Variants in RBFOX1 observed in about 807,000 individuals in gnomAD.
RBFOX1 encodes the protein RNA binding protein fox-1 homolog 1.
Under a neutral mutation model 57.7 loss-of-function variants are expected in RBFOX1, and 8 were observed. The ratio of observed to expected loss-of-function variants is 0.14; its 90% confidence interval spans 0.08 to 0.25. RBFOX1 has a LOEUF of 0.25. RBFOX1 is among the 10% of genes least tolerant of loss of function. The pLI is 1.00. For missense variants in RBFOX1, 611 were observed against 548.5 expected, an observed-to-expected ratio of 1.11 and a Z score of -1.14; for synonymous variants, 326 against 222.4, an observed-to-expected ratio of 1.47 and a Z score of -4.15.
chr16:6,812,932 T>C (rs2089126301), intron 3 of RBFOX1, among the ~76,000 whole-genome samples: 1 of 152,162 alleles, frequency 6.6e-6, no homozygotes, highest in Admixed American at 6.5e-5. Flanking sequence ...CTGTCTTTCT[T>C]TGGAGACTGG....
intron 1 of RBFOX1, among the ~76,000 whole-genome samples, chr16:5,420,076 G>A (rs570150184): frequency 6.6e-6 from 1 of 152,274 alleles, no homozygotes; most frequent in South Asian, 2.1e-4. Context: ...CTGTGAGAGA[G>A]CAGACGGGTG....
intron 2 of RBFOX1, among the ~76,000 whole-genome samples, chr16:6,417,222 G>T (rs2093647988): frequency 6.6e-6 from 1 of 151,886 alleles, no homozygotes; most frequent in Admixed American, 6.6e-5. Context: ...ATGTTGGCCA[G>T]GCTGGTCTCG....
chr16:6,871,500 G>C (rs949009848), intron 3 of RBFOX1, among the ~76,000 whole-genome samples: 1 of 151,872 alleles, frequency 6.6e-6, no homozygotes, highest in Non-Finnish European at 1.5e-5. Flanking sequence ...AATCACTCTT[G>C]ACTCTTTCCT....
At chr16:5,994,030 G>C (rs754583907) in intron 4 of RBFOX1, among the ~76,000 whole-genome samples, 10 of 152,176 alleles carry the variant, frequency 6.6e-5, no homozygotes, top group Non-Finnish European at 1.3e-4. Context: ...TCCTAACTCA[G>C]AGATCATGTC....
At chr16:7,608,623 C>T (rs192304339) in intron 10 of RBFOX1, among the ~76,000 whole-genome samples, 1 of 152,106 alleles carries the variant, frequency 6.6e-6, no homozygotes, top group Non-Finnish European at 1.5e-5. Flanking sequence ...CTACACAGCT[C>T]GGGTTCAAAT....
chr16:7,017,122 T>C (rs569516541), intron 3 of RBFOX1, among the ~76,000 whole-genome samples: 1 of 152,182 alleles, frequency 6.6e-6, no homozygotes, highest in South Asian at 2.1e-4. Flanking sequence ...CCCTGTTCTC[T>C]CTAAATAAAA....
chr16:5,717,012 G>T (rs1416110147), intron 3 of RBFOX1, among the ~76,000 whole-genome samples: 2 of 151,550 alleles, frequency 1.3e-5, no homozygotes, highest in African/African-American at 2.4e-5. Context: ...TGTATTAGCA[G>T]CAGAAAAAAC....
At position 6,587,848 on chromosome 16, in the gene RBFOX1, C is replaced by G. The variant is rs114798670; in HGVS notation, c.-63-66755C>G. Among the ~76,000 whole-genome samples the G allele has an allele frequency of 5.3e-5, 8 of 152,274 alleles. 1 individual carries two copies. In the South Asian group the frequency reaches 1.7e-3, roughly 32 times the overall value. On this transcript the variant is annotated intron_variant, in intron 2 of 15. Coordinates refer to ENST00000550418, the MANE Select transcript of RBFOX1 (RefSeq NM_018723.4). Reference sequence around the variant, plus strand: ...ACATTTACTTTCTCTTTCTACCCTCCGTCTTCCCATATATATTGGACAATT... The same window carrying G: ...ACATTTACTTTCTCTTTCTACCCTCGGTCTTCCCATATATATTGGACAATT...
At chr16:5,379,777 G>T (rs2066083211) in intron 1 of RBFOX1, among the ~76,000 whole-genome samples, 1 of 152,170 alleles carries the variant, frequency 6.6e-6, no homozygotes, top group Non-Finnish European at 1.5e-5. Context: ...GTTCCACCAG[G>T]GCTCTCCCTT....
At chr16:6,015,470 G>A (rs749922253), upstream of RBFOX1, among the ~76,000 whole-genome samples, 1 of 152,206 alleles carries the variant, frequency 6.6e-6, no homozygotes, top group African/African-American at 2.4e-5. Flanking sequence ...TCCACTGCCT[G>A]TGGTAAAGCA....
chr16:7,633,508 A>T (rs8049016), intron 11 of RBFOX1, among the ~76,000 whole-genome samples: 2 of 151,856 alleles, frequency 1.3e-5, no homozygotes, highest in African/African-American at 2.4e-5. Context: ...GTTCATAGCA[A>T]TTTTTTTTCA....
chr16:7,005,779 G>A (rs367979382), intron 3 of RBFOX1, among the ~76,000 whole-genome samples: 32 of 152,118 alleles, frequency 2.1e-4, no homozygotes, highest in Admixed American at 7.2e-4. Flanking sequence ...TGCCTAAATC[G>A]CAAGATGACC....
chr16:7,624,895 G>T (rs1242743585), intron 10 of RBFOX1, among the ~76,000 whole-genome samples: 1 of 152,176 alleles, frequency 6.6e-6, no homozygotes, highest in African/African-American at 2.4e-5. Flanking sequence ...TTAACAATGT[G>T]AACACACGTG....
intron 4 of RBFOX1, among the ~76,000 whole-genome samples, chr16:7,180,676 C>T (rs921301094): frequency 3.3e-5 from 5 of 150,202 alleles, no homozygotes; most frequent in African/African-American, 1.2e-4. Flanking sequence ...GCTTCCTCTG[C>T]ACTCCCCTGC....
Position 7,165,963 on chromosome 16 carries a change from C to CACACATACAT in RBFOX1, c.27+113868_27+113869insCATACATACA, listed in dbSNP as rs1251061172. 5.3e-3 allele frequency among the ~76,000 whole-genome samples: 406 copies of CACACATACAT among 76,106 alleles called. 3 individuals carry two copies. The highest frequency in any genetic ancestry group is 0.016 in the Admixed American group (103 of 6,596). The allele number at this position is 76,106 out of a possible 152,430, so 49.9% of individuals were successfully genotyped here. A position where few individuals can be genotyped will look rare whatever the true frequency, so the allele number is the denominator to read the frequency against. ...ACACACACACACACACACACACACA[C>CACACATACAT]ACATACATACATACACCCCAGATTT... On this transcript the variant is annotated intron_variant, in intron 4 of 15. Transcript: ENST00000550418.
At chr16:6,205,198 G>T (rs528543965) in intron 1 of RBFOX1, among the ~76,000 whole-genome samples, 1 of 152,264 alleles carries the variant, frequency 6.6e-6, no homozygotes, top group East Asian at 1.9e-4. Context: ...TTGGGTTACT[G>T]CTTCATATAT....
rs556637427 is a variant in RBFOX1, at chr16:6,963,761, C to T, written c.-15-88296C>T. On this transcript the variant is annotated intron_variant, in intron 3 of 15. Coordinates refer to ENST00000550418, the MANE Select transcript of RBFOX1 (RefSeq NM_018723.4). ...TTGCCCAGGCTGGAGTGCATTGGCG[C>T]GATCTCGGCTCACTGCAAGCTCCAC... Among the ~76,000 whole-genome samples, 30 of 152,058 alleles carry T rather than the reference C, an allele frequency of 2.0e-4. No homozygotes were observed. The East Asian group carries it at 4.5e-3, about 23-fold the overall frequency.
chr16:7,381,672 T>C (rs760527903), intron 4 of RBFOX1, among the ~76,000 whole-genome samples: 4 of 152,194 alleles, frequency 2.6e-5, no homozygotes, highest in Non-Finnish European at 4.4e-5. Flanking sequence ...GTAGGAAAAA[T>C]GCAAATGTCC....
chr16:5,441,645 G>A (rs988830531), intron 1 of RBFOX1, among the ~76,000 whole-genome samples: 2 of 152,140 alleles, frequency 1.3e-5, no homozygotes, highest in Non-Finnish European at 2.9e-5. Flanking sequence ...GATTATGGGT[G>A]TGAGCCACTG....
Sources: allele counts gnomAD v4.1 joint callset (sites outside exome capture counted in the v4.1 genomes callset), GRCh38; gene constraint gnomAD v4.1.1; transcripts MANE v1.5; gene names NCBI Gene and HGNC (gene_info 2026-07-23, HGNC 2026-07-21).